FSTL4: variants seen among roughly 807,000 people sequenced by gnomAD.
FSTL4 encodes the protein follistatin like 4.
In FSTL4, 28 loss-of-function variants were observed where a neutral mutation model predicts 78.2. The ratio of observed to expected loss-of-function variants is 0.36; its 90% CI spans 0.27 to 0.49. FSTL4 has a LOEUF of 0.49. FSTL4 is among the 20% of genes least tolerant of loss of function. FSTL4 has a pLI of 0.98. For missense variants in FSTL4, 922 were observed against 1,084.9 expected (o/e 0.85, Z 2.11); for synonymous variants, 422 against 440.5 (o/e 0.96, Z 0.53).
At chr5:133,554,544 A>C (rs1759751814) in intron 3 of FSTL4, among the ~76,000 whole-genome samples, 1 of 152,234 alleles carries the variant, frequency 6.6e-6, no homozygotes, top group Non-Finnish European at 1.5e-5. Flanking sequence ...AGCTCTGGAC[A>C]GCTCCACTTC....
intron 3 of FSTL4, among the ~76,000 whole-genome samples, chr5:133,477,724 T>G (rs574192260): frequency 1.3e-5 from 2 of 152,342 alleles, no homozygotes; most frequent in East Asian, 3.9e-4. Flanking sequence ...TTTATTTGGT[T>G]TGGGCGGCAA....
chr5:133,467,859 C>G (rs528910263), intron 3 of FSTL4, among the ~76,000 whole-genome samples: 1 of 152,338 alleles, frequency 6.6e-6, no homozygotes, highest in South Asian at 2.1e-4. Context: ...GTTTCTTATA[C>G]ATTGCAGACG....
chr5:133,673,438 G>C, the FSTL4 span, among the ~76,000 whole-genome samples: 2 of 152,262 alleles, frequency 1.3e-5, no homozygotes, highest in Middle Eastern at 3.4e-3. Context: ...CTCACTGCCG[G>C]ATATTCCTTC....
the FSTL4 span, among the ~76,000 whole-genome samples, chr5:133,754,381 A>G: frequency 6.6e-6 from 1 of 152,226 alleles, no homozygotes; most frequent in African/African-American, 2.4e-5. Context: ...AAAGATCAAA[A>G]TGTCCTAATA....
At chr5:133,430,032 G>C (rs1308254158) in intron 3 of FSTL4, among the ~76,000 whole-genome samples, 1 of 152,200 alleles carries the variant, frequency 6.6e-6, no homozygotes, top group Admixed American at 6.5e-5. Context: ...ATTAGTACTT[G>C]AGAAAGATTG....
intron 3 of FSTL4, among the ~76,000 whole-genome samples, chr5:133,478,411 C>T (rs1271023248): frequency 1.3e-5 from 2 of 152,172 alleles, no homozygotes; most frequent in African/African-American, 4.8e-5. Flanking sequence ...GGGTTCAGAC[C>T]ACAGGAAGGA....
the FSTL4 span, among the ~76,000 whole-genome samples, chr5:133,753,882 A>T: frequency 2.0e-5 from 3 of 152,172 alleles, no homozygotes; most frequent in Non-Finnish European, 4.4e-5. Context: ...AAATGCAGAT[A>T]AGCCTAGGTT....
intron 4 of FSTL4, among the ~76,000 whole-genome samples, chr5:133,329,592 G>C (rs1217296531): frequency 7.1e-6 from 1 of 141,694 alleles, no homozygotes; most frequent in Non-Finnish European, 1.5e-5. Context: ...AAAAGATGTA[G>C]GCTGGGAGGC....
the FSTL4 span, among the ~76,000 whole-genome samples, chr5:133,777,777 T>C: frequency 1.3e-5 from 2 of 152,242 alleles, no homozygotes; most frequent in African/African-American, 2.4e-5. Flanking sequence ...GATCCTAATA[T>C]GGCTATTCCA....
At chr5:133,599,228 C>T (rs1014172729) in intron 2 of FSTL4, among the ~76,000 whole-genome samples, 5 of 152,202 alleles carry the variant, frequency 3.3e-5, no homozygotes, top group East Asian at 3.8e-4. Flanking sequence ...CAAGGCGGAA[C>T]GAAGCCACGG....
At chr5:133,459,335 GC>G (rs1757550479) in intron 3 of FSTL4, among the ~76,000 whole-genome samples, 2 of 151,956 alleles carry the variant, frequency 1.3e-5, no homozygotes, top group Non-Finnish European at 1.5e-5. Flanking sequence ...GGAGAGGGAA[GC>G]CCCCATCAGC....
chr5:133,227,162 C>T (rs1047624844), intron 8 of FSTL4, among the ~76,000 whole-genome samples: 5 of 152,198 alleles, frequency 3.3e-5, no homozygotes, highest in Non-Finnish European at 5.9e-5. Context: ...GCTCAGGGCA[C>T]CCAATGCCAA....
chr5:133,653,606 TA>T, the FSTL4 span, among the ~76,000 whole-genome samples: 1 of 152,304 alleles, frequency 6.6e-6, no homozygotes, highest in East Asian at 1.9e-4. Context: ...AATCCAGCAG[TA>T]AAGGCTGGAT....
chr5:133,567,113 A>G (rs2112943928), intron 3 of FSTL4, 73 bp downstream of exon 3: 1 of 1,059,476 alleles, frequency 9.4e-7, no homozygotes, highest in East Asian at 2.4e-5. Context: ...TCTGAAGTTC[A>G]TCTTAGTTTC....
intron 3 of FSTL4, 43 bp from the exon 4 acceptor site, chr5:133,401,029 G>T (rs1756212681): frequency 6.8e-6 from 11 of 1,607,168 alleles, no homozygotes; most frequent in Non-Finnish European, 8.5e-6. Flanking sequence ...TAAACACTCA[G>T]AGGGTCTGGG....
intron 4 of FSTL4, among the ~76,000 whole-genome samples, chr5:133,392,181 A>ATGAT (rs1755866348): frequency 1.3e-5 from 2 of 152,242 alleles, no homozygotes; most frequent in South Asian, 4.2e-4. Context: ...CAGCCAGGAG[A>ATGAT]TGATGGTGGG....
At chr5:133,682,363 T>C in the FSTL4 span, among the ~76,000 whole-genome samples, 1 of 152,226 alleles carries the variant, frequency 6.6e-6, no homozygotes, top group Admixed American at 6.5e-5. Flanking sequence ...GCATTGTTAT[T>C]TTCTCCTGTT....
intron 4 of FSTL4, among the ~76,000 whole-genome samples, 170 bp downstream of exon 4, chr5:133,400,568 G>T (rs1460808572): frequency 6.6e-6 from 1 of 152,196 alleles, no homozygotes; most frequent in Non-Finnish European, 1.5e-5. Context: ...GTGGGACACA[G>T]AGTATGCATC....
intron 3 of FSTL4, among the ~76,000 whole-genome samples, chr5:133,493,020 A>G (rs1373728260): frequency 6.6e-6 from 1 of 152,100 alleles, no homozygotes; most frequent in African/African-American, 2.4e-5. Context: ...TAATTTAAAT[A>G]ATGTTAATTT....
Sources: allele counts gnomAD v4.1 joint callset (sites outside exome capture counted in the v4.1 genomes callset), GRCh38; gene constraint gnomAD v4.1.1; transcripts MANE v1.5; gene names NCBI Gene and HGNC (gene_info 2026-07-23, HGNC 2026-07-21).